Variants in TMEM132B observed in about 807,000 individuals in gnomAD.
TMEM132B encodes transmembrane protein 132B.
A neutral mutation model predicts 90.8 loss-of-function variants in TMEM132B; 18 were observed. That is an observed-to-expected ratio of 0.20 (90% CI 0.14 to 0.29). The LOEUF is 0.29. Ranked by LOEUF, TMEM132B falls within the 10% of genes least tolerant of loss-of-function variation. The pLI is 1.00. For synonymous variants in TMEM132B, 504 were observed against 523.3 expected (o/e 0.96, Z 0.50); for missense variants, 1,096 against 1,326.8 (o/e 0.83, Z 2.70).
At chr12:125,313,662 C>T (rs1341719383) in intron 1 of TMEM132B, among the ~76,000 whole-genome samples, 4 of 94,494 alleles carry the variant, frequency 4.2e-5, no homozygotes, top group Non-Finnish European at 8.6e-5. Context: ...TTTCCTTTCA[C>T]CCCTTACCCC....
rs2137063760 is a variant in TMEM132B, at chr12:125,656,712, G to C, written c.*2002G>C. On this transcript the variant is annotated 3_prime_UTR_variant, in exon 9 of 9. Transcript: ENST00000682704. ...CTCAGTCAGCCAAAAGCTTTTCAAAGAGTTTGGTGCAGAGGTAGCTCAGAG... is the reference window on the plus strand; with the variant it reads ...CTCAGTCAGCCAAAAGCTTTTCAAACAGTTTGGTGCAGAGGTAGCTCAGAG... 1 of 152,326 alleles carries C rather than the reference G, an allele frequency of 6.6e-6. No homozygotes were observed. Among genetic ancestry groups the C allele is most frequent in the East Asian group, 1.9e-4 (1 of 5,186 alleles). 9.4% of individuals were successfully genotyped at this position (152,326 alleles called of 1,614,324 possible).
intron 4 of TMEM132B, among the ~76,000 whole-genome samples, chr12:125,564,359 T>TG (rs5801608): frequency 0.58 from 88,140 of 152,068 alleles, 27,064 homozygotes; most frequent in Middle Eastern, 0.78. Flanking sequence ...GCGTTCAGTG[T>TG]GAAAAAATAG....
chr12:125,556,918 C>G (rs896632823), intron 4 of TMEM132B, among the ~76,000 whole-genome samples: 4 of 151,188 alleles, frequency 2.6e-5, no homozygotes, highest in Non-Finnish European at 5.9e-5. Context: ...CCATGCCTGG[C>G]TAATTTTTTG....
At chr12:125,643,186 G>A (rs756812153) in intron 5 of TMEM132B, among the ~76,000 whole-genome samples, 1 of 152,162 alleles carries the variant, frequency 6.6e-6, no homozygotes, top group Non-Finnish European at 1.5e-5. Context: ...TGGGGCTGTG[G>A]TGGCCCCACT....
chr12:125,537,093 A>T (rs934393860), intron 4 of TMEM132B, among the ~76,000 whole-genome samples: 2 of 152,132 alleles, frequency 1.3e-5, no homozygotes, highest in Admixed American at 1.3e-4. Flanking sequence ...TGAGGGATTG[A>T]TCCCAGGACA....
intron 2 of TMEM132B, among the ~76,000 whole-genome samples, chr12:125,413,617 G>A (rs755099815): frequency 6.6e-6 from 1 of 152,182 alleles, no homozygotes; most frequent in Admixed American, 6.5e-5. Flanking sequence ...TTTGTGTCTG[G>A]CTTCTTTCAC....
At chr12:125,626,514 T>G (rs1437938310) in intron 5 of TMEM132B, among the ~76,000 whole-genome samples, 3 of 152,192 alleles carry the variant, frequency 2.0e-5, no homozygotes, top group Admixed American at 1.3e-4. Context: ...TCTTAAGCTT[T>G]TGTCTAAAAA....
intron 1 of TMEM132B, among the ~76,000 whole-genome samples, chr12:125,221,598 T>G (rs1207385214): frequency 6.6e-6 from 1 of 152,234 alleles, no homozygotes; most frequent in Non-Finnish European, 1.5e-5. Flanking sequence ...CGTAGGAACA[T>G]TTCAATATGT....
intron 1 of TMEM132B, among the ~76,000 whole-genome samples, chr12:125,318,115 G>T (rs1282040320): frequency 1.3e-5 from 2 of 152,138 alleles, no homozygotes; most frequent in Non-Finnish European, 2.9e-5. Context: ...AGAGTACAAT[G>T]CTATTTATAT....
chr12:125,528,426 A>G (rs939319699), intron 4 of TMEM132B, among the ~76,000 whole-genome samples: 14 of 152,372 alleles, frequency 9.2e-5, no homozygotes, highest in East Asian at 3.9e-4. Context: ...ACAGGCTACA[A>G]TGAGAGATCA....
At chr12:125,557,528 A>G (rs1394046132) in intron 4 of TMEM132B, among the ~76,000 whole-genome samples, 1 of 152,142 alleles carries the variant, frequency 6.6e-6, no homozygotes, top group African/African-American at 2.4e-5. Flanking sequence ...TATTATCACT[A>G]ATCTATCTAC....
At chr12:125,299,625 C>T (rs936302097) in intron 1 of TMEM132B, among the ~76,000 whole-genome samples, 1 of 152,204 alleles carries the variant, frequency 6.6e-6, no homozygotes, top group Admixed American at 6.5e-5. Flanking sequence ...AGCAGCACCT[C>T]ATTGCTCCAA....
chr12:125,192,505 G>T (rs944719403), intron 1 of TMEM132B, among the ~76,000 whole-genome samples: 2 of 152,168 alleles, frequency 1.3e-5, no homozygotes, highest in Non-Finnish European at 2.9e-5. Flanking sequence ...TAGAAATGAG[G>T]TCTTGCTCTG....
chr12:125,579,934 TTTG>T (rs1885015507), intron 4 of TMEM132B, among the ~76,000 whole-genome samples: 2 of 152,172 alleles, frequency 1.3e-5, no homozygotes, highest in African/African-American at 4.8e-5. Flanking sequence ...CAAGTTTGTT[TTTG>T]TTGTTTGTTG....
chr12:125,476,961 A>G (rs1483045017), intron 3 of TMEM132B, among the ~76,000 whole-genome samples: 1 of 152,204 alleles, frequency 6.6e-6, no homozygotes, highest in East Asian at 1.9e-4. Context: ...AACACAAAAA[A>G]TCTTCCTCTC....
At chr12:125,535,737 C>G (rs998594369) in intron 4 of TMEM132B, among the ~76,000 whole-genome samples, 3 of 152,154 alleles carry the variant, frequency 2.0e-5, no homozygotes, top group African/African-American at 7.2e-5. Context: ...GGCAGACTTG[C>G]CCACCTTTGC....
At position 125,519,586 on chromosome 12, in the gene TMEM132B, C is replaced by G. The variant is rs577384753; in HGVS notation, c.1254C>G (p.Val418=). Residue 418 remains valine, a synonymous_variant, in exon 4 of 9, where the codon GTC becomes GTG. Coordinates refer to ENST00000682704, the MANE Select transcript of TMEM132B (RefSeq NM_001366854.1). ...AGCTGGTCGTCTCCGAGATCTTCGTCAGCCAGACAACCTTCGTGGGCATCG... is the reference window on the plus strand; with the variant it reads ...AGCTGGTCGTCTCCGAGATCTTCGTGAGCCAGACAACCTTCGTGGGCATCG... The part of the protein sequence containing the change: ...MSELVVSEIF[V]SQTTFVGIVP... 1 of 1,614,034 alleles carries G rather than the reference C, an allele frequency of 6.2e-7. No homozygotes were observed. The highest frequency in any genetic ancestry group is 8.5e-7 in the Non-Finnish European group (1 of 1,180,050).
rs757405209 is a variant in TMEM132B, at chr12:125,622,928, TTCTC to T, written c.1438-21144_1438-21141del. Among the ~76,000 whole-genome samples the T allele has an allele frequency of 2.6e-5, 4 of 152,208 alleles. No homozygotes were observed. In the East Asian group the frequency reaches 7.7e-4, roughly 29 times the overall value. ...AGTTTAGAAAACACAAGCCCTGCAG[TTCTC>T]TCTTTCTCCCCTGAGAATATGCTTA... is the stretch of plus-strand genomic sequence containing the variant. On this transcript the variant is annotated intron_variant, in intron 5 of 8. Coordinates refer to ENST00000682704, the MANE Select transcript of TMEM132B (RefSeq NM_001366854.1).
chr12:125,289,811 G>A (rs1875482373), intron 1 of TMEM132B, among the ~76,000 whole-genome samples: 1 of 152,186 alleles, frequency 6.6e-6, no homozygotes, highest in African/African-American at 2.4e-5. Flanking sequence ...AGGGTGCATG[G>A]GCTCAACCAT....
Sources: allele counts gnomAD v4.1 joint callset (sites outside exome capture counted in the v4.1 genomes callset), GRCh38; gene constraint gnomAD v4.1.1; transcripts MANE v1.5; gene names NCBI Gene and HGNC (gene_info 2026-07-23, HGNC 2026-07-21).